The following HIVEP3 variants were observed in gnomAD, a reference collection of about 807,000 sequenced individuals.
The protein encoded by HIVEP3 is HIVEP zinc finger 3, also known as transcription factor HIVEP3.
A neutral mutation model predicts 152.8 loss-of-function variants in HIVEP3; 49 were observed. The observed-to-expected ratio is 0.32, with a 90% CI of 0.26 to 0.41. The LOEUF (loss-of-function observed/expected upper bound fraction) is 0.41. Ranked by LOEUF, HIVEP3 falls within the 10% of genes least tolerant of loss-of-function variation. The pLI, the probability that HIVEP3 is intolerant of heterozygous loss-of-function variation, is 1.00. For missense variants in HIVEP3, 2,790 were observed against 3,103.3 expected (o/e 0.90, Z 2.40); for synonymous variants, 1,269 against 1,289.0 (o/e 0.98, Z 0.33).
At chr1:42,004,070 C>T (rs1240978085) in intron 1 of HIVEP3, among the ~76,000 whole-genome samples, 1 of 152,200 alleles carries the variant, frequency 6.6e-6, no homozygotes, top group Non-Finnish European at 1.5e-5. Context: ...GACACAACCT[C>T]ACTGCCACCT....
chr1:41,911,999 T>C (rs1001201299), intron 1 of HIVEP3, among the ~76,000 whole-genome samples: 13 of 152,204 alleles, frequency 8.5e-5, no homozygotes, highest in Admixed American at 3.3e-4. Flanking sequence ...GTGGTGTGCA[T>C]GGACTAAACG....
In HIVEP3 at chr1:41,510,534, GC is replaced by G; in HGVS notation, c.7137del (p.Arg2379SerfsTer103). 6.3e-7 allele frequency: 1 copy of G among 1,586,804 alleles called. No individual in the cohort carries two copies. The highest frequency in any genetic ancestry group is 8.6e-7 in the Non-Finnish European group (1 of 1,166,706). ...CTTCCTGAGGGCTTGGGGGAGTCCT[GC>G]CTGGTCCTGGGTTCCCCGGAGAGGT... Reference protein sequence around the residue: ...TRNLSGEPRTRQDSPKPSGSG... With the variant: ...TRNLSGEPRTXQDSPKPSGSG... On this transcript the variant is annotated frameshift_variant, in exon 9 of 9. Transcript: ENST00000372583. LOFTEE classifies it high-confidence loss of function.
intron 1 of HIVEP3, among the ~76,000 whole-genome samples, chr1:41,934,883 T>C (rs942519408): frequency 6.6e-6 from 1 of 152,132 alleles, no homozygotes; most frequent in Non-Finnish European, 1.5e-5. Flanking sequence ...TGATGCCACA[T>C]AGTAAACACC....
chr1:41,591,443 G>A (rs950925632), intron 3 of HIVEP3, among the ~76,000 whole-genome samples: 1 of 152,256 alleles, frequency 6.6e-6, no homozygotes, highest in Middle Eastern at 3.4e-3. Context: ...AACACAGGCA[G>A]GCGATCAGGT....
chr1:41,560,159 T>A (rs1421517813), intron 5 of HIVEP3, among the ~76,000 whole-genome samples: 1 of 152,246 alleles, frequency 6.6e-6, no homozygotes, highest in Non-Finnish European at 1.5e-5. Flanking sequence ...ACTTTCTACA[T>A]GCCAAGTACA....
chr1:41,991,749 A>G (rs1174680042), intron 1 of HIVEP3, among the ~76,000 whole-genome samples: 3 of 149,260 alleles, frequency 2.0e-5, no homozygotes, highest in African/African-American at 7.5e-5. Context: ...AAAATCCTCA[A>G]TAAAATACTG....
intron 1 of HIVEP3, among the ~76,000 whole-genome samples, chr1:42,006,079 C>G (rs757610177): frequency 6.6e-6 from 1 of 152,130 alleles, no homozygotes; most frequent in Non-Finnish European, 1.5e-5. Flanking sequence ...TAGAAAAGAT[C>G]GTTGGATCAT....
At chr1:41,536,514 G>A (rs778331405) in intron 5 of HIVEP3, among the ~76,000 whole-genome samples, 8 of 152,066 alleles carry the variant, frequency 5.3e-5, no homozygotes, top group African/African-American at 1.4e-4. Context: ...GGCACTAGAG[G>A]GGGATGGGCT....
intron 7 of HIVEP3, among the ~76,000 whole-genome samples, chr1:41,515,401 G>A (rs1414026509): frequency 1.3e-5 from 2 of 152,246 alleles, no homozygotes; most frequent in Admixed American, 6.5e-5. Flanking sequence ...GAGGCAGGGT[G>A]ATGAGACCAG....
intron 1 of HIVEP3, among the ~76,000 whole-genome samples, chr1:41,895,809 TAGG>T (rs1410286052): frequency 6.6e-6 from 1 of 152,000 alleles, no homozygotes; most frequent in East Asian, 1.9e-4. Flanking sequence ...TGCTTTATAT[TAGG>T]AGAATGAGAA....
At chr1:41,982,247 G>A (rs769832206) in intron 1 of HIVEP3, among the ~76,000 whole-genome samples, 13 of 152,304 alleles carry the variant, frequency 8.5e-5, no homozygotes, top group South Asian at 2.1e-4. Context: ...CTAAAGTTTC[G>A]AGAATGGGAA....
intron 1 of HIVEP3, among the ~76,000 whole-genome samples, chr1:42,030,492 C>CT (rs1170224437): frequency 6.6e-6 from 1 of 152,204 alleles, no homozygotes; most frequent in African/African-American, 2.4e-5. Flanking sequence ...GCAAAGAACT[C>CT]TAAGTAGACT....
rs548066229 is a variant in HIVEP3 at position 41,717,998 on chromosome 1, T to A, written c.-800-17003A>T. ...TAGTGGAGATCAGAGATTATGGGGA[T>A]CATGGGATTCCAGGACCCTAGAATC... On this transcript the variant is annotated intron_variant, in intron 1 of 8. Transcript: ENST00000372583. 1.2e-4 allele frequency among the ~76,000 whole-genome samples: 18 copies of A among 152,312 alleles called. 1 individual carries two copies. The South Asian group carries it at 3.7e-3, about 32-fold the overall frequency.
intron 2 of HIVEP3, among the ~76,000 whole-genome samples, chr1:41,629,669 A>C (rs1243124940): frequency 1.3e-5 from 2 of 152,242 alleles, no homozygotes; most frequent in Non-Finnish European, 2.9e-5. Context: ...CAAACATGAA[A>C]AAAATGCTCA....
At position 41,873,062 on chromosome 1, in the gene HIVEP3, A is replaced by G. The variant is rs889687194; in HGVS notation, c.-801+45351T>C. On this transcript the variant is annotated intron_variant, in intron 1 of 8. Transcript: ENST00000372583. This position sits in a 1 kb window ranked among gnomAD's most constrained non-coding sequence, Gnocchi z 4.2. The stretch of plus-strand genomic sequence containing the variant: ...AAAAGAGGAAACGAGACGAAAGAAA[A>G]TGTAGTGCATCTGAAAGCACATGGG... Among the ~76,000 whole-genome samples, 5 of 152,208 alleles carry G rather than the reference A, an allele frequency of 3.3e-5. No homozygotes were observed. Among genetic ancestry groups the G allele is most frequent in the African/African-American group, 1.2e-4 (5 of 41,460 alleles).
chr1:41,775,501 GTTTTT>G (rs1346061094), intron 1 of HIVEP3, among the ~76,000 whole-genome samples: 1 of 151,714 alleles, frequency 6.6e-6, no homozygotes, highest in Non-Finnish European at 1.5e-5. Flanking sequence ...TTGTTTTTTT[GTTTTT>G]TTGAGATGGA....
At chr1:41,923,727 A>G (rs1406867961), upstream of HIVEP3, among the ~76,000 whole-genome samples, 2 of 152,244 alleles carry the variant, frequency 1.3e-5, no homozygotes, top group Non-Finnish European at 2.9e-5. Flanking sequence ...CATAATGTAC[A>G]CTATGCATAT....
At chr1:41,819,082 T>C (rs140600025) in intron 1 of HIVEP3, among the ~76,000 whole-genome samples, 1 of 152,342 alleles carries the variant, frequency 6.6e-6, no homozygotes, top group African/African-American at 2.4e-5. Flanking sequence ...TAATAAATTG[T>C]AGAATCGTTG....
At chr1:41,858,790 T>C (rs1320053954) in intron 1 of HIVEP3, among the ~76,000 whole-genome samples, 1 of 152,108 alleles carries the variant, frequency 6.6e-6, no homozygotes, top group African/African-American at 2.4e-5. Context: ...AAGAGGGAAG[T>C]CACGATGGAC....
Sources: gnomAD v4.1 joint callset for allele counts (sites outside exome capture counted in the v4.1 genomes callset) on GRCh38, gnomAD v4.1.1 for gene constraint, Gnocchi (gnomAD v3.1) non-coding constraint, MANE v1.5 for transcripts, NCBI Gene and HGNC (gene_info 2026-07-23, HGNC 2026-07-21) for gene names.